SLC20A2: variants seen among roughly 807,000 people sequenced by gnomAD.
The protein encoded by SLC20A2 is sodium-dependent phosphate transporter 2.
A neutral mutation model predicts 61.0 loss-of-function variants in SLC20A2; 30 were observed. The ratio of observed to expected loss-of-function variants is 0.49; its 90% CI spans 0.37 to 0.67. The LOEUF is 0.67. Among genes scored for constraint, SLC20A2 ranks in the 30% least tolerant of loss-of-function variants. The pLI, the probability that SLC20A2 is intolerant of heterozygous loss-of-function variation, is 0.00. For synonymous variants in SLC20A2, 351 were observed against 353.3 expected (o/e 0.99, Z 0.07); for missense variants, 626 against 866.4 (o/e 0.72, Z 3.48).
intron 1 of SLC20A2, among the ~76,000 whole-genome samples, chr8:42,489,043 G>A (rs2974363): frequency 2.7e-5 from 4 of 147,136 alleles, no homozygotes; most frequent in East Asian, 2.1e-4. Context: ...AGGTTCAAGC[G>A]ATTCTCCTGC....
intron 1 of SLC20A2, among the ~76,000 whole-genome samples, chr8:42,540,356 G>A (rs1304335340): frequency 6.6e-6 from 1 of 152,082 alleles, no homozygotes; most frequent in African/African-American, 2.4e-5. Context: ...TCAAACTCAC[G>A]TATTCAAATT....
intron 1 of SLC20A2, among the ~76,000 whole-genome samples, chr8:42,479,223 T>C (rs1357285341): frequency 6.6e-6 from 1 of 152,210 alleles, no homozygotes; most frequent in Non-Finnish European, 1.5e-5. Flanking sequence ...TTTACGCAAA[T>C]ATAAACATTT....
intron 5 of SLC20A2, among the ~76,000 whole-genome samples, chr8:42,456,731 CAA>C (rs986357542): frequency 1.9e-4 from 11 of 58,558 alleles, no homozygotes; most frequent in Non-Finnish European, 2.7e-4. Flanking sequence ...GACTCTGTCT[CAA>C]AAAAAAAAAA....
intron 1 of SLC20A2, among the ~76,000 whole-genome samples, chr8:42,513,135 T>C (rs532241658): frequency 6.6e-6 from 1 of 152,160 alleles, no homozygotes; most frequent in Non-Finnish European, 1.5e-5. Flanking sequence ...AATTCTGAGA[T>C]GCATGGAGGA....
At position 42,492,529 on chromosome 8, in the gene SLC20A2, G is replaced by A. The variant is rs745926739; in HGVS notation, c.-265+8502C>T. Among the ~76,000 whole-genome samples, 63 of 152,310 alleles carry A rather than the reference G, an allele frequency of 4.1e-4. 1 individual carries two copies. The highest frequency in any genetic ancestry group is 2.5e-3 in the South Asian group (12 of 4,824). On this transcript the variant is annotated intron_variant, in intron 1 of 10. Transcript: ENST00000520262. The stretch of plus-strand genomic sequence containing the variant: ...TAAAAAGAAGAGCATTCCTTATATG[G>A]ATGACAAATGTAAAGAGGAAACTTG...
In SLC20A2 at chr8:42,501,019, C is replaced by T. The variant is rs1810282016; in HGVS notation, c.-265+12G>A. 6.6e-6 allele frequency: 1 copy of T among 152,162 alleles called. No individual in the cohort carries two copies. The highest frequency in any genetic ancestry group is 2.1e-4 in the South Asian group (1 of 4,826). 9.4% of individuals were successfully genotyped at this position (152,162 alleles called of 1,614,324 possible). A position where few individuals can be genotyped will look rare whatever the true frequency, so the allele number is the denominator to read the frequency against. On this transcript the variant is annotated intron_variant, in intron 1 of 10. Transcript: ENST00000520262. ...AACAAAGAGAAGTCTTAAAATTCCA[C>T]CCAGTACTTACAAGTAGTTTCCAAG...
intron 3 of SLC20A2, among the ~76,000 whole-genome samples, chr8:42,464,386 T>G (rs1226724774): frequency 1.3e-5 from 2 of 150,622 alleles, no homozygotes; most frequent in Admixed American, 6.7e-5. Flanking sequence ...CCTCCCAAAG[T>G]GATGGAATTA....
intron 10 of SLC20A2, among the ~76,000 whole-genome samples, chr8:42,420,521 T>C (rs537573721): frequency 6.6e-6 from 1 of 152,376 alleles, no homozygotes; most frequent in South Asian, 2.1e-4. Flanking sequence ...TTTATGTTCA[T>C]GTATTTTGAG....
intron 1 of SLC20A2, among the ~76,000 whole-genome samples, chr8:42,512,292 T>C (rs1037364248): frequency 6.7e-6 from 1 of 149,914 alleles, no homozygotes; most frequent in Admixed American, 6.7e-5. Flanking sequence ...ATGTAAACCA[T>C]AAAGAACAGC....
intron 1 of SLC20A2, among the ~76,000 whole-genome samples, chr8:42,482,457 CATGTAA>C (rs1239300526): frequency 6.6e-6 from 1 of 152,034 alleles, no homozygotes; most frequent in East Asian, 1.9e-4. Flanking sequence ...AACAGTCTTT[CATGTAA>C]GAAAAAAGAC....
chr8:42,472,521 GT>G lies in SLC20A2; in HGVS notation c.-132del. ...TTTGCTCTGGAAAGTGCTGGACAAT[GT>G]TAGAGGCTGGACAAACTGCTAGCTG... On this transcript the variant is annotated 5_prime_UTR_variant, in exon 2 of 11. Transcript: ENST00000520262. The surrounding 1 kb of genome is among the most constrained non-coding windows in gnomAD (Gnocchi z 4.1). 1.2e-6 allele frequency: 1 copy of G among 811,248 alleles called. No individual in the cohort carries two copies. Among genetic ancestry groups the G allele is most frequent in the Non-Finnish European group, 1.9e-6 (1 of 524,964 alleles). The allele number at this position is 811,248 out of a possible 1,614,324, so 50.3% of individuals were successfully genotyped here.
chr8:42,420,152 CTCCA>C (rs1802948102), intron 10 of SLC20A2, among the ~76,000 whole-genome samples: 1 of 151,390 alleles, frequency 6.6e-6, no homozygotes, highest in Non-Finnish European at 1.5e-5. Context: ...CACCACTGCA[CTCCA>C]GCCTGGGTGA....
At chr8:42,447,603 G>A (rs543994575) in intron 5 of SLC20A2, among the ~76,000 whole-genome samples, 1 of 152,064 alleles carries the variant, frequency 6.6e-6, no homozygotes, top group South Asian at 2.1e-4. Flanking sequence ...GCATGAACCC[G>A]GAAGGTGGAG....
intron 4 of SLC20A2, among the ~76,000 whole-genome samples, chr8:42,461,161 A>G (rs1806664742): frequency 6.6e-6 from 1 of 152,170 alleles, no homozygotes; most frequent in African/African-American, 2.4e-5. Context: ...TGGGAGTGTC[A>G]CACCAGACCA....
At chr8:42,531,872 G>A (rs1036110328) in intron 1 of SLC20A2, among the ~76,000 whole-genome samples, 5 of 150,338 alleles carry the variant, frequency 3.3e-5, no homozygotes, top group African/African-American at 9.9e-5. Flanking sequence ...AGGCTGGAGT[G>A]CAGTGGCGCG....
At chr8:42,494,314 C>G (rs1385129633) in intron 1 of SLC20A2, among the ~76,000 whole-genome samples, 1 of 152,080 alleles carries the variant, frequency 6.6e-6, no homozygotes. Flanking sequence ...TGAGAGGCCA[C>G]TGCCAAATTA....
chr8:42,476,615 T>C (rs1354382178), intron 1 of SLC20A2, among the ~76,000 whole-genome samples: 3 of 152,176 alleles, frequency 2.0e-5, no homozygotes, highest in Non-Finnish European at 4.4e-5. Flanking sequence ...ATGTTCCCCT[T>C]GGCACTGTGT....
intron 1 of SLC20A2, among the ~76,000 whole-genome samples, chr8:42,473,648 A>G (rs960674710): frequency 6.6e-6 from 1 of 152,208 alleles, no homozygotes; most frequent in Non-Finnish European, 1.5e-5. Context: ...TACATCCATG[A>G]AATAAAAATG....
chr8:42,460,000 A>G lies in SLC20A2; in HGVS notation c.517-8T>C. On this transcript the variant is annotated splice_polypyrimidine_tract_variant and splice_region_variant and intron_variant, in intron 4 of 10. Transcript: ENST00000520262. Reference sequence around the variant, plus strand: ...ATTGGGAACAGGGTCTTCCTGTAGGAAGACAAGGAGACAGAGTGGAAGGTC... The same window carrying G: ...ATTGGGAACAGGGTCTTCCTGTAGGGAGACAAGGAGACAGAGTGGAAGGTC... 6.5e-7 allele frequency: 1 copy of G among 1,538,950 alleles called. No individual in the cohort carries two copies. The highest frequency in any genetic ancestry group is 1.1e-5 in the South Asian group (1 of 89,050).
Sources: gnomAD v4.1 joint callset for allele counts (sites outside exome capture counted in the v4.1 genomes callset) on GRCh38, gnomAD v4.1.1 for gene constraint, Gnocchi (gnomAD v3.1) non-coding constraint, MANE v1.5 for transcripts, NCBI Gene and HGNC (gene_info 2026-07-23, HGNC 2026-07-21) for gene names.